ANK2: variants seen among roughly 807,000 people sequenced by gnomAD.
ANK2 encodes the protein ankyrin 2.
Under a neutral mutation model 360.5 loss-of-function variants are expected in ANK2, and 83 were observed. That is an observed-to-expected ratio of 0.23 (90% CI 0.19 to 0.28). ANK2 has a LOEUF of 0.28. Among genes scored for constraint, ANK2 ranks in the 10% least tolerant of loss-of-function variants. ANK2 has a pLI of 1.00. For synonymous variants in ANK2, 1,740 were observed against 1,759.5 expected (o/e 0.99, Z 0.28); for missense variants, 4,201 against 4,795.7 (o/e 0.88, Z 3.66).
the ANK2 span, among the ~76,000 whole-genome samples, chr4:112,784,717 G>A: frequency 6.6e-6 from 1 of 152,090 alleles, no homozygotes; most frequent in Non-Finnish European, 1.5e-5. Context: ...TTAGAGGCAT[G>A]AGCCACCATT....
At chr4:112,809,559 T>TCA in the ANK2 span, among the ~76,000 whole-genome samples, 240 of 95,410 alleles carry the variant, frequency 2.5e-3, 30 homozygotes, top group African/African-American at 9.4e-3. Flanking sequence ...AGACTCCGTC[T>TCA]AAAAAAAAAA....
chr4:113,323,294 G>T (rs894539345), intron 26 of ANK2, among the ~76,000 whole-genome samples: 1 of 152,056 alleles, frequency 6.6e-6, no homozygotes, highest in Non-Finnish European at 1.5e-5. Flanking sequence ...GCTACTGTTT[G>T]TTGTTGATCT....
At chr4:112,739,637 C>T in the ANK2 span, among the ~76,000 whole-genome samples, 4 of 152,118 alleles carry the variant, frequency 2.6e-5, no homozygotes, top group African/African-American at 7.2e-5. Flanking sequence ...GATCTCTGCC[C>T]ACACATGTTA....
Position 113,355,286 on chromosome 4 carries a change from C to T in ANK2, c.6668C>T (p.Pro2223Leu), listed in dbSNP as rs1415611619. 6.2e-7 allele frequency: 1 copy of T among 1,614,024 alleles called. No individual in the cohort carries two copies. The highest frequency in any genetic ancestry group is 1.7e-5 in the Admixed American group (1 of 60,008). ...SPCGSLMEGT[P>L]QISSEESYKH... is the part of the protein sequence containing the mutation. Reference sequence around the variant, plus strand: ...TGTGGCAGCCTGATGGAGGGGACCCCTCAGATTAGTTCAGAAGAAAGCTAT... The same window carrying T: ...TGTGGCAGCCTGATGGAGGGGACCCTTCAGATTAGTTCAGAAGAAAGCTAT... Residue 2223 changes from proline to leucine, a missense_variant, in exon 38 of 46, where the codon CCT becomes CTT. This residue lies in a region of ANK2 where 2,642 missense variants were observed against 2,714.5 expected (regional missense o/e 0.97). Transcript: ENST00000357077.
the ANK2 span, among the ~76,000 whole-genome samples, chr4:112,758,069 A>G: frequency 1.2e-5 from 1 of 86,584 alleles, no homozygotes; most frequent in East Asian, 6.7e-4. Context: ...ACACCCGGCT[A>G]ATTTTGTATT....
chr4:112,750,943 C>G, the ANK2 span, among the ~76,000 whole-genome samples: 99 of 152,172 alleles, frequency 6.5e-4, no homozygotes, highest in African/African-American at 2.3e-3. Flanking sequence ...GTCAGGCTGG[C>G]CTCGAACTCC....
upstream of ANK2, among the ~76,000 whole-genome samples, chr4:113,045,449 C>CT (rs2064046077): frequency 6.6e-6 from 1 of 152,192 alleles, no homozygotes; most frequent in African/African-American, 2.4e-5. Flanking sequence ...ATCTGATGAA[C>CT]TTAAGCTCTA....
chr4:113,181,996 GA>G (rs1353603251), intron 2 of ANK2, among the ~76,000 whole-genome samples: 1 of 150,242 alleles, frequency 6.7e-6, no homozygotes, highest in Non-Finnish European at 1.5e-5. Context: ...GGCTGAAAGG[GA>G]ACAAGGGCAG....
chr4:113,057,987 G>A (rs1008986666), intron 1 of ANK2, among the ~76,000 whole-genome samples: 1 of 152,116 alleles, frequency 6.6e-6, no homozygotes, highest in African/African-American at 2.4e-5. Flanking sequence ...TGGATCTTCT[G>A]TTGGATTTTC....
chr4:113,107,747 A>G (rs2093811450), intron 1 of ANK2, among the ~76,000 whole-genome samples: 1 of 152,100 alleles, frequency 6.6e-6, no homozygotes, highest in Non-Finnish European at 1.5e-5. Context: ...TCATTTATTG[A>G]TCTGTTACCA....
chr4:113,163,723 T>C (rs899348754), intron 1 of ANK2, among the ~76,000 whole-genome samples: 4 of 135,254 alleles, frequency 3.0e-5, no homozygotes, highest in African/African-American at 5.7e-5. Flanking sequence ...GAGATTGTGC[T>C]ATTGCACTCC....
intron 1 of ANK2, among the ~76,000 whole-genome samples, chr4:113,119,862 T>C (rs2095229299): frequency 6.6e-6 from 1 of 152,152 alleles, no homozygotes; most frequent in African/African-American, 2.4e-5. Context: ...TTTATTTTAA[T>C]ATTCTTTTGT....
intron 6 of ANK2, 94 bp downstream of exon 6, chr4:113,237,266 A>G: frequency 7.1e-7 from 1 of 1,412,880 alleles, no homozygotes; most frequent in Non-Finnish European, 9.9e-7. Context: ...GTGATAATGC[A>G]AAATTATTTC....
chr4:113,378,490 G>A (rs771190102), intron 45 of ANK2, among the ~76,000 whole-genome samples: 1 of 152,134 alleles, frequency 6.6e-6, no homozygotes, highest in Non-Finnish European at 1.5e-5. Context: ...ACATTGTGTC[G>A]ATAGATTCAG....
chr4:113,329,220 T>A (rs944791569), intron 26 of ANK2, among the ~76,000 whole-genome samples: 1 of 152,236 alleles, frequency 6.6e-6, no homozygotes, highest in African/African-American at 2.4e-5. Flanking sequence ...TGGGAGACTT[T>A]AATGAGTGTT....
chr4:112,987,213 G>A (rs2045218260), intron 2 of ANK2, among the ~76,000 whole-genome samples: 1 of 152,184 alleles, frequency 6.6e-6, no homozygotes, highest in Non-Finnish European at 1.5e-5. Context: ...GGCATTCAGG[G>A]CAGGTATCTG....
At chr4:113,069,736 C>T (rs754031969) in intron 1 of ANK2, among the ~76,000 whole-genome samples, 3 of 152,148 alleles carry the variant, frequency 2.0e-5, no homozygotes, top group Admixed American at 6.5e-5. Flanking sequence ...TCCTAACTAT[C>T]CAGTGATATC....
chr4:113,282,287 G>A (rs29330), intron 17 of ANK2, among the ~76,000 whole-genome samples: 53,819 of 152,050 alleles, frequency 0.35, 11,056 homozygotes, highest in Non-Finnish European at 0.47. Flanking sequence ...AATGGTTGAA[G>A]GAATGGAGAA....
chr4:113,224,168 T>A (rs1320559898), intron 4 of ANK2, among the ~76,000 whole-genome samples: 4 of 152,194 alleles, frequency 2.6e-5, no homozygotes, highest in Non-Finnish European at 5.9e-5. Context: ...TACTCAGATG[T>A]CCTCCATTCA....
Sources: gnomAD v4.1 joint callset for allele counts (sites outside exome capture counted in the v4.1 genomes callset) on GRCh38, gnomAD v4.1.1 for gene constraint, gnomAD v4.1.1 regional missense constraint, MANE v1.5 for transcripts, NCBI Gene and HGNC (gene_info 2026-07-23, HGNC 2026-07-21) for gene names.